Variants in ACTR10 observed in about 807,000 individuals in gnomAD.
The protein encoded by ACTR10 is actin related protein 10, also known as actin-related protein 10.
In ACTR10, 43 loss-of-function variants were observed where a neutral mutation model predicts 56.2. The ratio of observed to expected loss-of-function variants is 0.77; its 90% confidence interval spans 0.60 to 0.99. ACTR10 has a LOEUF of 0.99. ACTR10 is among the 50% of genes least tolerant of loss of function. ACTR10 has a pLI of 0.00. For synonymous variants in ACTR10, 170 were observed against 176.3 expected, an observed-to-expected ratio of 0.96 and a Z score of 0.28; for missense variants, 466 against 507.8, an observed-to-expected ratio of 0.92 and a Z score of 0.79.
At chr14:58,233,661 TC>T (rs947505282) in intron 12 of ACTR10, among the ~76,000 whole-genome samples, 1 of 152,214 alleles carries the variant, frequency 6.6e-6, no homozygotes, top group Non-Finnish European at 1.5e-5. Flanking sequence ...ACACCCCTAA[TC>T]CCTGCATTGT....
intron 8 of ACTR10, among the ~76,000 whole-genome samples, chr14:58,222,764 GAAA>G (rs58412717): frequency 1.2e-4 from 9 of 76,324 alleles, no homozygotes; most frequent in African/African-American, 4.4e-4. Flanking sequence ...GACTCTGTCA[GAAA>G]AAAAAAAAAA....
At position 58,234,687 on chromosome 14, in the gene ACTR10, T is replaced by A; in HGVS notation, c.*136T>A. ...AGCATTCTGTGTTTACTCTTTGCAT[T>A]AATATATAATTCTTTTGACTTTGTT... On this transcript the variant is annotated 3_prime_UTR_variant, in exon 13 of 13. Transcript: ENST00000254286. 1 of 722,758 alleles carries A rather than the reference T, an allele frequency of 1.4e-6. No homozygotes were observed. Among genetic ancestry groups the A allele is most frequent in the Non-Finnish European group, 2.1e-6 (1 of 485,464 alleles). The allele number at this position is 722,758 out of a possible 1,614,324, so 44.8% of individuals were successfully genotyped here.
intron 1 of ACTR10, among the ~76,000 whole-genome samples, chr14:58,201,921 T>G (rs1485207776): frequency 3.3e-5 from 5 of 149,516 alleles, no homozygotes; most frequent in Non-Finnish European, 7.4e-5. Context: ...GAGGATCGCT[T>G]GAGCCTGGGA....
chr14:58,223,600 G>C, intron 8 of ACTR10, 22 bp from the exon 9 acceptor site: 1 of 1,590,020 alleles, frequency 6.3e-7, no homozygotes, highest in South Asian at 1.1e-5. Context: ...GCCATAATAA[G>C]GTCTCCTTTT....
rs760661274 is a variant in ACTR10 at position 58,223,885 on chromosome 14, A to G, written c.788+29A>G. The stretch of plus-strand genomic sequence containing the variant: ...AGATCTTAAATTTTTACGGCAAAGT[A>G]GTAAACTAAAATAAACTTTTGGCTT... On this transcript the variant is annotated intron_variant, in intron 10 of 12. Transcript: ENST00000254286. 4.5e-6 allele frequency: 7 copies of G among 1,541,530 alleles called. No individual in the cohort carries two copies. In the Admixed American group the frequency reaches 5.7e-5, roughly 13 times the overall value.
intron 1 of ACTR10, among the ~76,000 whole-genome samples, chr14:58,201,908 G>A (rs1349066830): frequency 6.6e-6 from 1 of 151,592 alleles, no homozygotes; most frequent in African/African-American, 2.4e-5. Flanking sequence ...GAGGCCAAGG[G>A]GGGAGGATCG....
rs773946458 is a variant in ACTR10, at chr14:58,232,268, G to A, written c.1072+1G>A. ...GCTAATTGTGTGGCCTGGTTGGGAG[G>A]TAAGAATTTCACTTTTAAAATATAA... On this transcript the variant is annotated splice_donor_variant, in intron 12 of 12. Coordinates refer to ENST00000254286, the MANE Select transcript of ACTR10 (RefSeq NM_018477.3). LOFTEE classifies it high-confidence loss of function. The A allele has an allele frequency of 6.2e-7, 1 of 1,609,904 alleles. No homozygotes were observed. Among genetic ancestry groups the A allele is most frequent in the Non-Finnish European group, 8.5e-7 (1 of 1,178,198 alleles).
At chr14:58,213,949 A>G (rs1299032806) in intron 6 of ACTR10, among the ~76,000 whole-genome samples, 1 of 152,202 alleles carries the variant, frequency 6.6e-6, no homozygotes, top group Admixed American at 6.5e-5. Context: ...CAGGCATGCA[A>G]TGAGAAATAA....
intron 2 of ACTR10, among the ~76,000 whole-genome samples, chr14:58,203,837 ATG>A (rs1334564581): frequency 6.6e-6 from 1 of 152,234 alleles, no homozygotes; most frequent in Non-Finnish European, 1.5e-5. Context: ...TTGTTAAAAA[ATG>A]AGATGTAGCT....
At chr14:58,213,457 G>C in intron 5 of ACTR10, 174 bp from the exon 6 acceptor site, 1 of 465,142 alleles carries the variant, frequency 2.1e-6, no homozygotes. Context: ...TGTTTTCTTT[G>C]ATGAAGAACA....
At chr14:58,203,295 T>A (rs1248569221) in intron 2 of ACTR10, among the ~76,000 whole-genome samples, 1 of 128,028 alleles carries the variant, frequency 7.8e-6, no homozygotes, top group Admixed American at 7.9e-5. Context: ...AGAGCAAGAC[T>A]TCGTCTCAAA....
chr14:58,234,465 C>G lies in ACTR10; in HGVS notation c.1168C>G (p.Leu390Val), dbSNP rs1393815266. 8 of 1,613,392 alleles carry G rather than the reference C, an allele frequency of 5.0e-6. No individual in the cohort carries two copies. Among genetic ancestry groups the G allele is most frequent in the African/African-American group, 1.3e-5 (1 of 74,910 alleles). ...GGGCCGTATACCTGATTGGTGTTCT[C>G]TCAATAACCCACCTTTGGAAATGAT... Reference protein sequence around the residue: ...QTGRIPDWCSLNNPPLEMMFD... With the variant: ...QTGRIPDWCSVNNPPLEMMFD... Residue 390 changes from leucine to valine, a missense_variant, in exon 13 of 13, where the codon CTC becomes GTC. Transcript: ENST00000254286.
rs1436578163 is a variant in ACTR10, at chr14:58,215,188, T to G, written c.519-17T>G. On this transcript the variant is annotated splice_polypyrimidine_tract_variant and intron_variant, in intron 6 of 12. Coordinates refer to ENST00000254286, the MANE Select transcript of ACTR10 (RefSeq NM_018477.3). ...TTCAATATTTTCATTCCAGTAACTT[T>G]TTTTTTTTAATTTCAGAGAGTTGGA... 8 of 1,524,704 alleles carry G rather than the reference T, an allele frequency of 5.2e-6. No homozygotes were observed. In the South Asian group the frequency reaches 9.6e-5, roughly 18 times the overall value. 94.4% of individuals were successfully genotyped at this position (1,524,704 alleles called of 1,614,324 possible).
chr14:58,213,726 A>T, intron 6 of ACTR10, 28 bp downstream of exon 6: 1 of 1,567,634 alleles, frequency 6.4e-7, no homozygotes, highest in Non-Finnish European at 8.8e-7. Flanking sequence ...TAACATATTC[A>T]TTTCACCTGT....
chr14:58,228,197 A>G (rs1276639501), intron 10 of ACTR10, among the ~76,000 whole-genome samples: 1 of 152,230 alleles, frequency 6.6e-6, no homozygotes, highest in East Asian at 1.9e-4. Context: ...CTTTCCATCT[A>G]TCATCTCTGA....
chr14:58,213,799 A>G lies in ACTR10; in HGVS notation c.518+101A>G, dbSNP rs532395578. ...GATCAATAGAGGGCTTGTGATACGGACAGTGAATTTTATTCATTCCGCCCT... is the reference window on the plus strand; with the variant it reads ...GATCAATAGAGGGCTTGTGATACGGGCAGTGAATTTTATTCATTCCGCCCT... On this transcript the variant is annotated intron_variant, in intron 6 of 12. Transcript: ENST00000254286. 424 of 806,890 alleles carry G rather than the reference A, an allele frequency of 5.3e-4. 5 individuals are homozygous for G. In the South Asian group the frequency reaches 8.0e-3, roughly 15 times the overall value. The allele number at this position is 806,890 out of a possible 1,614,324, so 50.0% of individuals were successfully genotyped here. A position where few individuals can be genotyped will look rare whatever the true frequency, so the allele number is the denominator to read the frequency against.
rs78082145 is a variant in ACTR10, at chr14:58,209,174, C to A, written c.342+67C>A. On this transcript the variant is annotated intron_variant, in intron 4 of 12. Transcript: ENST00000254286. ...AAAAAGAGAAGCAATAAAATTCTTACCAATTTTTAGGGAATCTTTCTTCTC... is the reference window on the plus strand; with the variant it reads ...AAAAAGAGAAGCAATAAAATTCTTAACAATTTTTAGGGAATCTTTCTTCTC... 2.1e-5 allele frequency: 24 copies of A among 1,166,968 alleles called. No homozygotes were observed. In the East Asian group the frequency reaches 5.4e-4, roughly 26 times the overall value. 72.3% of individuals were successfully genotyped at this position (1,166,968 alleles called of 1,614,324 possible).
rs913704149 is a variant in ACTR10, at chr14:58,230,409, G to T, written c.799G>T (p.Val267Leu). 56 of 1,580,816 alleles carry T rather than the reference G, an allele frequency of 3.5e-5. No homozygotes were observed. Among genetic ancestry groups the T allele is most frequent in the Non-Finnish European group, 4.6e-5 (54 of 1,164,780 alleles). The change falls in exon 11 of 13, where the codon GTG (valine) becomes TTG (leucine). Residue 267 changes from valine (V) to leucine (L), a missense_variant. Transcript: ENST00000254286. ...TTCAAATCCCATTAGAGATTCAGTT[G>T]TGGAAATTCTTTTTGAACAAGATAA... ...HILGSIRDSV[V>L]EILFEQDNEE...
intron 10 of ACTR10, among the ~76,000 whole-genome samples, chr14:58,228,251 G>GTAGC (rs1889445787): frequency 6.6e-6 from 1 of 152,184 alleles, no homozygotes; most frequent in African/African-American, 2.4e-5. Flanking sequence ...TGTTGGAGTT[G>GTAGC]TAGCTACCAC....
Sources: allele counts gnomAD v4.1 joint callset (sites outside exome capture counted in the v4.1 genomes callset), GRCh38; gene constraint gnomAD v4.1.1; transcripts MANE v1.5; gene names NCBI Gene and HGNC (gene_info 2026-07-23, HGNC 2026-07-21).